WARS2: variants seen among roughly 807,000 people sequenced by gnomAD.
WARS2 encodes the protein tryptophan--tRNA ligase, mitochondrial.
In WARS2, 28 loss-of-function variants were observed where a neutral mutation model predicts 36.5. That is an observed-to-expected ratio of 0.77 (90% CI 0.57 to 1.05). WARS2 has a LOEUF of 1.05. Ranked by LOEUF, WARS2 falls within the 50% of genes least tolerant of loss-of-function variation. The pLI is 0.00. For synonymous variants in WARS2, 174 were observed against 178.4 expected (o/e 0.98, Z 0.20); for missense variants, 435 against 456.8 (o/e 0.95, Z 0.44).
intron 2 of WARS2, among the ~76,000 whole-genome samples, chr1:119,061,233 C>A (rs1208095102): frequency 6.6e-6 from 1 of 151,956 alleles, no homozygotes; most frequent in African/African-American, 2.4e-5. Context: ...GGAGACCAAA[C>A]CCGAGATGTT....
intron 1 of WARS2, among the ~76,000 whole-genome samples, chr1:119,121,120 T>A (rs1364623957): frequency 1.3e-5 from 2 of 152,120 alleles, no homozygotes; most frequent in Non-Finnish European, 2.9e-5. Flanking sequence ...TCTTTGGCAA[T>A]GATATGATCA....
intron 1 of WARS2, among the ~76,000 whole-genome samples, chr1:119,117,948 T>C (rs1182798804): frequency 1.3e-5 from 2 of 152,156 alleles, no homozygotes; most frequent in African/African-American, 4.8e-5. Context: ...GAGTTCCATA[T>C]CTTTCCACTG....
At chr1:119,113,941 A>C (rs887986703) in intron 1 of WARS2, among the ~76,000 whole-genome samples, 1 of 152,186 alleles carries the variant, frequency 6.6e-6, no homozygotes, top group African/African-American at 2.4e-5. Flanking sequence ...AAAAATAAGT[A>C]AACTTGTCTA....
rs1195785382 is a variant in WARS2, at chr1:119,127,578, C to T, written c.90+12977G>A. Among the ~76,000 whole-genome samples, 10 of 152,134 alleles carry T rather than the reference C, an allele frequency of 6.6e-5. No homozygotes were observed. The East Asian group carries it at 1.9e-3, about 29-fold the overall frequency. On this transcript the variant is annotated intron_variant, in intron 1 of 5. Coordinates refer to ENST00000235521, the MANE Select transcript of WARS2 (RefSeq NM_015836.4). The stretch of plus-strand genomic sequence containing the variant: ...GGTTTGAATGCAAGGAGACAAATTG[C>T]AGAACCCATATACAAACCCACTAAC...
At chr1:119,112,852 A>G (rs1557988649) in intron 1 of WARS2, among the ~76,000 whole-genome samples, 1 of 152,202 alleles carries the variant, frequency 6.6e-6, no homozygotes, top group Admixed American at 6.5e-5. Context: ...CTGTTTGAGT[A>G]TAAGTGTGAA....
chr1:119,081,430 A>G (rs755092493), intron 1 of WARS2, among the ~76,000 whole-genome samples: 13 of 152,228 alleles, frequency 8.5e-5, no homozygotes, highest in Non-Finnish European at 1.3e-4. Context: ...CTCTTCTTAC[A>G]AAGTCCTGCT....
In WARS2 at chr1:119,076,413, C is replaced by T; in HGVS notation, c.285G>A (p.Met95Ile). The T allele has an allele frequency of 6.2e-7, 1 of 1,614,080 alleles. No individual in the cohort carries two copies. The highest frequency in any genetic ancestry group is 8.5e-7 in the Non-Finnish European group (1 of 1,180,012). ...TGCCACAGGCAAGAAGAACAGCAGT[C>T]ATGTCCAGGATGCTCTGCCGAAGGA... ...PAVLRQSILD[M>I]TAVLLACGIN... The change falls in exon 2 of 6, where the codon ATG becomes ATA. Residue 95 changes from methionine to isoleucine, a missense_variant. Coordinates refer to ENST00000235521, the MANE Select transcript of WARS2 (RefSeq NM_015836.4).
At chr1:119,110,639 T>C (rs930229122) in intron 1 of WARS2, among the ~76,000 whole-genome samples, 1 of 152,096 alleles carries the variant, frequency 6.6e-6, no homozygotes, top group African/African-American at 2.4e-5. Flanking sequence ...TTTGCACTTA[T>C]CTTGCTTGGT....
At chr1:119,042,406 T>C in intron 3 of WARS2, 57 bp from the exon 4 acceptor site, 1 of 1,515,090 alleles carries the variant, frequency 6.6e-7, no homozygotes, top group Non-Finnish European at 9.2e-7. Flanking sequence ...TTGAACCTAA[T>C]TATACTGCTA....
At chr1:119,137,249 T>C (rs1286222933) in intron 1 of WARS2, among the ~76,000 whole-genome samples, 1 of 152,228 alleles carries the variant, frequency 6.6e-6, no homozygotes, top group Non-Finnish European at 1.5e-5. Flanking sequence ...TCTGTACTAA[T>C]TTTGCAACTC....
At chr1:119,050,457 T>C (rs1251351859) in intron 2 of WARS2, among the ~76,000 whole-genome samples, 1 of 152,186 alleles carries the variant, frequency 6.6e-6, no homozygotes, top group Non-Finnish European at 1.5e-5. Context: ...ATAAGTAGCA[T>C]GGTAGCAAAG....
In WARS2 at chr1:119,083,058, G is replaced by T. The variant is rs140316612; in HGVS notation, c.91-6451C>A. Among the ~76,000 whole-genome samples the T allele has an allele frequency of 3.6e-4, 55 of 152,088 alleles. 3 individuals are homozygous for T. The East Asian group carries it at 0.011, about 29-fold the overall frequency. ...AACCTGGCCAAAACGGTGAAACCCCGTCTCTACTAAAAATACAAAAATTAG... is the reference window on the plus strand; with the variant it reads ...AACCTGGCCAAAACGGTGAAACCCCTTCTCTACTAAAAATACAAAAATTAG... On this transcript the variant is annotated intron_variant, in intron 1 of 5. Coordinates refer to ENST00000235521, the MANE Select transcript of WARS2 (RefSeq NM_015836.4).
At chr1:119,082,194 A>T in intron 1 of WARS2, 19 of 897,500 alleles carry the variant, frequency 2.1e-5, no homozygotes, top group Non-Finnish European at 2.4e-5. Context: ...CATAAATGAT[A>T]AGCACTTAAT....
intron 2 of WARS2, among the ~76,000 whole-genome samples, chr1:119,071,717 C>T (rs371029170): frequency 3.9e-5 from 6 of 152,058 alleles, no homozygotes; most frequent in South Asian, 2.1e-4. Flanking sequence ...AAAAGTTAGA[C>T]GAGAGGAATA....
In WARS2 at chr1:119,045,627, G is replaced by C; in HGVS notation, c.384C>G (p.Ser128=). 6.3e-7 allele frequency: 1 copy of C among 1,594,448 alleles called. No homozygotes were observed. Among genetic ancestry groups the C allele is most frequent in the Non-Finnish European group, 8.6e-7 (1 of 1,167,452 alleles). Residue 128 remains serine (S), a synonymous_variant, in exon 3 of 6, where the codon TCC becomes TCG. Coordinates refer to ENST00000235521, the MANE Select transcript of WARS2 (RefSeq NM_015836.4). ...SEHTQLSWIL[S]CMVRLPRLQH... is the part of the protein sequence containing the mutation. ...GTAATCGAGGTAGTCTGACCATGCA[G>C]GAAAGGATCCAACTTAATTGTGTGT...
At chr1:119,076,632 T>C (rs1241066743) in intron 1 of WARS2, 25 bp from the exon 2 acceptor site, 22 of 1,612,580 alleles carry the variant, frequency 1.4e-5, no homozygotes, top group South Asian at 2.2e-5. Context: ...AACAAGCATA[T>C]TTGCTTTTGA....
chr1:119,057,265 C>T (rs922258742), intron 2 of WARS2, among the ~76,000 whole-genome samples: 6 of 151,914 alleles, frequency 3.9e-5, no homozygotes, highest in Non-Finnish European at 7.4e-5. Flanking sequence ...CCTGCCTCAG[C>T]CTCCTGAGTA....
Position 119,032,848 on chromosome 1 carries a change from T to C in WARS2, c.*63A>G. 1.4e-6 allele frequency: 2 copies of C among 1,453,904 alleles called. No homozygotes were observed. Among genetic ancestry groups the C allele is most frequent in the East Asian group, 2.3e-5 (1 of 43,786 alleles). The allele number at this position is 1,453,904 out of a possible 1,614,324, so 90.1% of individuals were successfully genotyped here. On this transcript the variant is annotated 3_prime_UTR_variant, in exon 6 of 6. Coordinates refer to ENST00000235521, the MANE Select transcript of WARS2 (RefSeq NM_015836.4). ...TATAACTTTTTCTTTTTAGGAAAGC[T>C]GCCGTTATCAGAATGCATGGAGTGC...
In WARS2 at chr1:119,140,618, C is replaced by G. The variant is rs587745035; in HGVS notation, c.27G>C (p.Ala9=). 43 of 1,613,866 alleles carry G rather than the reference C, an allele frequency of 2.7e-5. No homozygotes were observed. In the South Asian group the frequency reaches 4.3e-4, roughly 16 times the overall value. The change falls in exon 1 of 6, where the codon GCG becomes GCC. Residue 9 remains alanine, a synonymous_variant. Coordinates refer to ENST00000235521, the MANE Select transcript of WARS2 (RefSeq NM_015836.4). ...CCCGGATGAAGCTCCAGCGCTCACGCGCTTTCCGCATTGAGTGCAGCGCCA... is the reference window on the plus strand; with the variant it reads ...CCCGGATGAAGCTCCAGCGCTCACGGGCTTTCCGCATTGAGTGCAGCGCCA... The part of the protein sequence containing the change: MALHSMRK[A]RERWSFIRAL...
Sources: gnomAD v4.1 joint callset for allele counts (sites outside exome capture counted in the v4.1 genomes callset) on GRCh38, gnomAD v4.1.1 for gene constraint, MANE v1.5 for transcripts, NCBI Gene and HGNC (gene_info 2026-07-23, HGNC 2026-07-21) for gene names.